RRAGB: variants seen among roughly 807,000 people sequenced by gnomAD.
The protein encoded by RRAGB is ras-related GTP-binding protein B.
In RRAGB, 6 loss-of-function variants were observed where a neutral mutation model predicts 29.3. That is an observed-to-expected ratio of 0.21 (90% CI 0.11 to 0.40). The LOEUF (loss-of-function observed/expected upper bound fraction) is 0.40, where lower values mean the gene tolerates loss of function less well. RRAGB is among the 10% of genes least tolerant of loss of function. The pLI is 1.00. For missense variants in RRAGB, 184 were observed against 272.9 expected (o/e 0.67, Z 2.29); for synonymous variants, 101 against 92.5 (o/e 1.09, Z -0.53).
chrX:55,751,251 AG>A, intron 6 of RRAGB, 55 bp downstream of exon 6: 1 of 658,920 alleles, frequency 1.5e-6, no homozygotes, highest in Non-Finnish European at 2.3e-6. Context: ...AAAACCTAGA[AG>A]GATATTAACA....
chrX:55,746,241 A>G (rs1041013213), intron 5 of RRAGB, among the ~76,000 whole-genome samples: 4 of 111,785 alleles, frequency 3.6e-5, no homozygotes, highest in Admixed American at 1.9e-4. Context: ...CTTGACCTAG[A>G]ATTCTTCCAC....
At chrX:55,727,288 T>C in intron 3 of RRAGB, 1 of 1,171,135 alleles carries the variant, frequency 8.5e-7, no homozygotes, top group Non-Finnish European at 1.1e-6. Flanking sequence ...CAGTAGCACT[T>C]CTTTCCATTT....
chrX:55,749,723 C>CTG (rs1366684492), intron 5 of RRAGB, among the ~76,000 whole-genome samples: 1 of 111,076 alleles, frequency 9.0e-6, no homozygotes, highest in Non-Finnish European at 1.9e-5. Flanking sequence ...TCCTGTTGAT[C>CTG]TGTGACCTTA....
At chrX:55,747,156 G>A (rs2034273901) in intron 5 of RRAGB, among the ~76,000 whole-genome samples, 1 of 111,888 alleles carries the variant, frequency 8.9e-6, no homozygotes, top group South Asian at 3.7e-4. Flanking sequence ...AGTTTTCTCA[G>A]GCCAAATAGA....
rs142884326 is a variant in RRAGB, at chrX:55,754,624, T to A, written c.735+1110T>A. Among the ~76,000 whole-genome samples the A allele has an allele frequency of 8.8e-3, 993 of 112,419 alleles. 15 individuals are homozygous for A. Among genetic ancestry groups the A allele is most frequent in the African/African-American group, 0.031 (954 of 30,988 alleles). ...AGATGAAAATGGGACACAGGAACATTGAGCACCCAGCAAGCCTTGGCATTT... is the reference window on the plus strand; with the variant it reads ...AGATGAAAATGGGACACAGGAACATAGAGCACCCAGCAAGCCTTGGCATTT... On this transcript the variant is annotated intron_variant, in intron 7 of 9. Transcript: ENST00000374941.
At chrX:55,719,420 A>G in intron 2 of RRAGB, 73 bp downstream of exon 2, 2 of 755,130 alleles carry the variant, frequency 2.6e-6, no homozygotes, top group East Asian at 3.8e-5. Context: ...TTTGTGACAT[A>G]TATACACCAT....
intron 5 of RRAGB, among the ~76,000 whole-genome samples, chrX:55,737,402 G>T (rs1167812060): frequency 8.9e-6 from 1 of 112,479 alleles, no homozygotes; most frequent in Non-Finnish European, 1.9e-5. Context: ...ACTGTCTATA[G>T]GCACACTCAT....
rs56294534 is a variant in RRAGB at position 55,744,387 on chromosome X, C to CAAAAAA, written c.517-6702_517-6697dup. On this transcript the variant is annotated intron_variant, in intron 5 of 9. Transcript: ENST00000374941. ...CTCCAGCTTGGGTGACAGAGTGAGC[C>CAAAAAA]AAAAAAAAAAAAAAAAAGTAGTATA... Among the ~76,000 whole-genome samples the CAAAAAA allele has an allele frequency of 4.5e-4, 16 of 35,755 alleles. 2 individuals are homozygous for CAAAAAA. Among genetic ancestry groups the CAAAAAA allele is most frequent in the South Asian group, 4.3e-3 (1 of 231 alleles). 31.0% of individuals were successfully genotyped at this position (35,755 alleles called of 115,157 possible). A position where few individuals can be genotyped will look rare whatever the true frequency, so the allele number is the denominator to read the frequency against.
rs56294534 is a variant in RRAGB, at chrX:55,744,387, C to CA, written c.517-6697dup. ...CTCCAGCTTGGGTGACAGAGTGAGC[C>CA]AAAAAAAAAAAAAAAAAGTAGTATA... On this transcript the variant is annotated intron_variant, in intron 5 of 9. Transcript: ENST00000374941. Among the ~76,000 whole-genome samples, 40 of 35,766 alleles carry CA rather than the reference C, an allele frequency of 1.1e-3. 2 individuals carry two copies. Among genetic ancestry groups the CA allele is most frequent in the African/African-American group, 2.5e-3 (29 of 11,455 alleles). The allele number at this position is 35,766 out of a possible 115,157, so 31.1% of individuals were successfully genotyped here.
rs761514689 is a variant in RRAGB at position 55,751,114 on chromosome X, G to T, written c.530G>T (p.Arg177Leu). The change falls in exon 6 of 10, where the codon CGA (arginine) becomes CTA (leucine). Residue 177 changes from arginine (R) to leucine (L), a missense_variant. By Grantham distance (102) the Arg-to-Leu change is moderately radical. Coordinates refer to ENST00000374941, the MANE Select transcript of RRAGB (RefSeq NM_006064.5). ...TTTTTAATTTAGATTTTTAAAGAGC[G>T]AGAAGAAGATTTGAGGCGTTTGTCT... ...EDQRDLIFKE[R>L]EEDLRRLSRP... is the part of the protein sequence containing the mutation. The T allele has an allele frequency of 8.5e-7, 1 of 1,181,918 alleles. No individual in the cohort carries two copies. The highest frequency in any genetic ancestry group is 2.2e-5 in the Admixed American group (1 of 45,707).
chrX:55,735,912 G>A (rs748786952), intron 5 of RRAGB, among the ~76,000 whole-genome samples: 3 of 112,089 alleles, frequency 2.7e-5, no homozygotes, highest in South Asian at 7.4e-4. Flanking sequence ...CAGTTATTCC[G>A]TTTGAGGAGA....
At chrX:55,719,278 G>T in intron 1 of RRAGB, 36 bp from the exon 2 acceptor site, 1 of 1,140,539 alleles carries the variant, frequency 8.8e-7, no homozygotes, top group African/African-American at 1.8e-5. Flanking sequence ...TAAGGGAATT[G>T]GATCATGGAA....
chrX:55,733,827 G>A (rs1409259176), intron 5 of RRAGB, among the ~76,000 whole-genome samples: 1 of 111,524 alleles, frequency 9.0e-6, no homozygotes, highest in Non-Finnish European at 1.9e-5. Flanking sequence ...AATGAGTTAA[G>A]GAGGATTCCC....
chrX:55,727,685 G>A (rs1036883327), intron 3 of RRAGB, among the ~76,000 whole-genome samples: 1 of 112,011 alleles, frequency 8.9e-6, no homozygotes, highest in African/African-American at 3.2e-5. Flanking sequence ...TCTGCTGCTT[G>A]TGATGTAGTT....
At chrX:55,742,153 GA>G (rs1045719227) in intron 5 of RRAGB, among the ~76,000 whole-genome samples, 6 of 112,020 alleles carry the variant, frequency 5.4e-5, no homozygotes, top group African/African-American at 1.9e-4. Flanking sequence ...GATTAAAAGG[GA>G]AAAAACAGAC....
chrX:55,753,814 G>C (rs1014474371), intron 7 of RRAGB, among the ~76,000 whole-genome samples: 5 of 112,252 alleles, frequency 4.5e-5, no homozygotes, highest in African/African-American at 1.6e-4. Flanking sequence ...GGAGGCCGAG[G>C]CGGGTGGATC....
intron 2 of RRAGB, among the ~76,000 whole-genome samples, chrX:55,721,809 A>G (rs113365510): frequency 1.8e-5 from 2 of 112,607 alleles, no homozygotes; most frequent in South Asian, 3.7e-4. Flanking sequence ...TTATGTTGCA[A>G]TCCTCTACTA....
At chrX:55,719,167 T>C (rs1431738847) in intron 1 of RRAGB, 147 bp from the exon 2 acceptor site, 3 of 454,086 alleles carry the variant, frequency 6.6e-6, no homozygotes, top group Non-Finnish European at 1.1e-5. Context: ...ATGGGACCTC[T>C]ATTCATCTGA....
intron 5 of RRAGB, among the ~76,000 whole-genome samples, chrX:55,745,923 C>G (rs951760533): frequency 1.8e-5 from 2 of 112,122 alleles, no homozygotes; most frequent in Non-Finnish European, 3.8e-5. Flanking sequence ...TAAGGCCCTA[C>G]TTTGACTGGT....
Sources: gnomAD v4.1 joint callset for allele counts (sites outside exome capture counted in the v4.1 genomes callset) on GRCh38, gnomAD v4.1.1 for gene constraint, MANE v1.5 for transcripts, NCBI Gene and HGNC (gene_info 2026-07-23, HGNC 2026-07-21) for gene names.